The following MAPK10 variants were observed in gnomAD, a reference collection of about 807,000 sequenced individuals.
MAPK10 encodes mitogen-activated protein kinase 10.
In MAPK10, 25 loss-of-function variants were observed where a neutral mutation model predicts 59.3. The observed-to-expected ratio is 0.42, with a 90% confidence interval of 0.31 to 0.59. MAPK10 has a LOEUF of 0.59. Among genes scored for constraint, MAPK10 ranks in the 20% least tolerant of loss-of-function variants. The pLI is 0.15. For synonymous variants in MAPK10, 190 were observed against 200.5 expected (o/e 0.95, Z 0.44); for missense variants, 351 against 568.9 (o/e 0.62, Z 3.90).
At chr4:86,235,434 T>C (rs1223676209) in intron 2 of MAPK10, among the ~76,000 whole-genome samples, 2 of 152,228 alleles carry the variant, frequency 1.3e-5, no homozygotes, top group Non-Finnish European at 2.9e-5. Context: ...TGCTGGTTCA[T>C]ACAGGTGTGC....
intron 2 of MAPK10, among the ~76,000 whole-genome samples, chr4:86,250,865 G>C (rs2093376016): frequency 6.6e-6 from 1 of 152,114 alleles, no homozygotes; most frequent in Non-Finnish European, 1.5e-5. Flanking sequence ...ATTGACTCTA[G>C]GAGAAAACTA....
At chr4:86,437,130 C>T (rs924968745) in intron 1 of MAPK10, among the ~76,000 whole-genome samples, 18 of 149,590 alleles carry the variant, frequency 1.2e-4, no homozygotes, top group African/African-American at 3.9e-4. Flanking sequence ...AGGAGAATGG[C>T]GTGAACCTGG....
At chr4:86,239,789 C>CA (rs796334122) in intron 2 of MAPK10, among the ~76,000 whole-genome samples, 20,400 of 130,016 alleles carry the variant, frequency 0.16, 1,354 homozygotes, top group Middle Eastern at 0.21. Flanking sequence ...TTAATTTTTT[C>CA]AAAAAAAAAA....
chr4:86,353,248 A>G (rs1732586959), intron 2 of MAPK10, among the ~76,000 whole-genome samples: 2 of 152,166 alleles, frequency 1.3e-5, no homozygotes, highest in Admixed American at 6.6e-5. Context: ...TAATAAGCAC[A>G]TTTTATTGTA....
intron 1 of MAPK10, among the ~76,000 whole-genome samples, chr4:86,549,376 C>A (rs547799461): frequency 6.6e-6 from 1 of 152,284 alleles, no homozygotes; most frequent in African/African-American, 2.4e-5. Flanking sequence ...ATTGCTCCTA[C>A]ACTACAAACC....
chr4:86,359,282 CTCTCTCTGTGTGTGTGTGTGTGTGTG>C (rs1736108102), intron 1 of MAPK10, among the ~76,000 whole-genome samples: 1 of 137,024 alleles, frequency 7.3e-6, no homozygotes, highest in African/African-American at 2.9e-5. Flanking sequence ...CTCTCTCTCT[CTCTCTCTGTGTGTGTGTGTGTGTGTG>C]TGTGTGTGTG....
intron 11 of MAPK10, among the ~76,000 whole-genome samples, chr4:86,038,676 T>C (rs2040860785): frequency 6.6e-6 from 1 of 152,166 alleles, no homozygotes; most frequent in Non-Finnish European, 1.5e-5. Flanking sequence ...TATTGTTTTA[T>C]TTGGCTAATG....
intron 1 of MAPK10, among the ~76,000 whole-genome samples, chr4:86,386,946 G>A (rs1350683056): frequency 6.6e-6 from 1 of 152,152 alleles, no homozygotes; most frequent in Non-Finnish European, 1.5e-5. Flanking sequence ...CTGTGGTAGA[G>A]AGGCTGAGTA....
At chr4:86,477,301 T>C (rs963135633) in intron 1 of MAPK10, among the ~76,000 whole-genome samples, 1 of 152,188 alleles carries the variant, frequency 6.6e-6, no homozygotes, top group Admixed American at 6.5e-5. Context: ...AATACTCTTT[T>C]AAGCACTCCT....
chr4:86,455,796 G>A (rs1164854506), upstream of MAPK10, among the ~76,000 whole-genome samples: 1 of 152,070 alleles, frequency 6.6e-6, no homozygotes, highest in Non-Finnish European at 1.5e-5. Context: ...CTATGCACTG[G>A]AACAAATAGA....
In MAPK10 at chr4:86,513,467, A is replaced by G. The variant is rs546274596; in HGVS notation, c.-263+80443T>C. ...ATATTAGATGACAAAATTGCTCAAT[A>G]TTAACTATTGGCTAATAAGGAGATG... On this transcript the variant is annotated intron_variant, in intron 1 of 4. Transcript: ENST00000502302. 4.6e-5 allele frequency among the ~76,000 whole-genome samples: 7 copies of G among 152,344 alleles called. No individual in the cohort carries two copies. In the South Asian group the frequency reaches 1.2e-3, roughly 27 times the overall value.
intron 1 of MAPK10, among the ~76,000 whole-genome samples, chr4:86,484,761 CTT>C (rs1015396953): frequency 6.6e-6 from 1 of 152,046 alleles, no homozygotes; most frequent in African/African-American, 2.4e-5. Context: ...AAAACTGAAA[CTT>C]AAAGAAATTA....
At chr4:86,085,260 G>C (rs191039828) in intron 9 of MAPK10, among the ~76,000 whole-genome samples, 44 of 151,978 alleles carry the variant, frequency 2.9e-4, no homozygotes, top group Non-Finnish European at 5.1e-4. Context: ...ATCATATCAA[G>C]CTAAAAACTT....
chr4:86,372,564 G>GAAAGAAAGAAAGAAAGAAAGAGA, intron 1 of MAPK10, among the ~76,000 whole-genome samples: 2 of 78,690 alleles, frequency 2.5e-5, no homozygotes, highest in Non-Finnish European at 5.5e-5. Context: ...AAGAAAGAAA[G>GAAAGAAAGAAAGAAAGAAAGAGA]AAAGAAAAGA....
chr4:86,458,565 T>C (rs1209083580), intron 1 of MAPK10, among the ~76,000 whole-genome samples: 1 of 152,070 alleles, frequency 6.6e-6, no homozygotes, highest in East Asian at 1.9e-4. Flanking sequence ...GGTATAAATA[T>C]AGGCATATAG....
chr4:86,326,420 G>A (rs2096023792), intron 2 of MAPK10: 4 of 152,174 alleles, frequency 2.6e-5, no homozygotes, highest in Admixed American at 2.6e-4. Context: ...GGACCAATAG[G>A]GAAGGAATTG....
intron 1 of MAPK10, among the ~76,000 whole-genome samples, chr4:86,490,698 T>C (rs1170293611): frequency 6.6e-6 from 1 of 152,220 alleles, no homozygotes. Flanking sequence ...GACAGTTCTT[T>C]ACAATCATCT....
intron 11 of MAPK10, among the ~76,000 whole-genome samples, chr4:86,060,020 A>G (rs920896930): frequency 2.6e-5 from 4 of 152,306 alleles, no homozygotes; most frequent in Admixed American, 2.6e-4. Context: ...GGTTTCAGCC[A>G]TTAAGAACTG....
intron 1 of MAPK10, among the ~76,000 whole-genome samples, chr4:86,589,812 G>A (rs1256490511): frequency 1.3e-5 from 2 of 150,410 alleles, no homozygotes; most frequent in Admixed American, 6.6e-5. Context: ...TTGAAACCCC[G>A]TCTCTACTAA....
Sources: allele counts gnomAD v4.1 joint callset (sites outside exome capture counted in the v4.1 genomes callset), GRCh38; gene constraint gnomAD v4.1.1; transcripts MANE v1.5; gene names NCBI Gene and HGNC (gene_info 2026-07-23, HGNC 2026-07-21).